Variants in OSBPL1A observed in about 807,000 individuals in gnomAD.
The protein encoded by OSBPL1A is oxysterol-binding protein-related protein 1.
A neutral mutation model predicts 137.1 loss-of-function variants in OSBPL1A; 80 were observed. The ratio of observed to expected loss-of-function variants is 0.58; its 90% confidence interval spans 0.49 to 0.70. The LOEUF is 0.70. OSBPL1A is among the 30% of genes least tolerant of loss of function. The probability of loss-of-function intolerance (pLI) is 0.00; values close to 1 mark genes in which losing one functional copy is unlikely to be tolerated. For synonymous variants in OSBPL1A, 365 were observed against 389.7 expected (o/e 0.94, Z 0.75); for missense variants, 970 against 1,129.4 (o/e 0.86, Z 2.02).
intron 4 of OSBPL1A, among the ~76,000 whole-genome samples, chr18:24,354,824 T>C (rs1319196382): frequency 2.0e-5 from 3 of 148,252 alleles, no homozygotes; most frequent in African/African-American, 7.4e-5. Flanking sequence ...TTTGTCCATC[T>C]AACTTTGCCC....
rs770561875 is a variant in OSBPL1A, at chr18:24,178,093, G to A, written c.2013C>T (p.Gly671=). ...AGAATTTCAGTTTGGGATAGATAGA[G>A]CCATGAAAGATGAAGTCATTGTTTA... ...EGLNNDFIFH[G]SIYPKLKFWG... is the part of the protein sequence containing the mutation. The change falls in exon 21 of 28, where the codon GGC becomes GGT. Residue 671 remains glycine, a synonymous_variant. Transcript: ENST00000319481. 7.4e-6 allele frequency: 12 copies of A among 1,613,516 alleles called. No homozygotes were observed. Among genetic ancestry groups the A allele is most frequent in the Non-Finnish European group, 9.3e-6 (11 of 1,179,774 alleles).
intron 13 of OSBPL1A, among the ~76,000 whole-genome samples, chr18:24,309,051 G>A (rs1266760858): frequency 4.6e-5 from 7 of 152,210 alleles, no homozygotes; most frequent in African/African-American, 9.6e-5. Flanking sequence ...GATTACAGGC[G>A]TAAGCCACCG....
chr18:24,246,750 C>T (rs2088902257), intron 15 of OSBPL1A, among the ~76,000 whole-genome samples: 1 of 149,140 alleles, frequency 6.7e-6, no homozygotes, highest in Admixed American at 6.7e-5. Flanking sequence ...AAGATGGCAC[C>T]ACTGCACTCC....
intron 15 of OSBPL1A, among the ~76,000 whole-genome samples, chr18:24,259,123 G>T (rs2089373758): frequency 1.3e-5 from 2 of 151,654 alleles, no homozygotes; most frequent in Admixed American, 1.3e-4. Context: ...GTTTCACCAT[G>T]GTCTCGATCT....
rs537715370 is a variant in OSBPL1A at position 24,282,951 on chromosome 18, A to C, written c.1175-2003T>G. 2.0e-5 allele frequency among the ~76,000 whole-genome samples: 3 copies of C among 152,202 alleles called. No homozygotes were observed. In the East Asian group the frequency reaches 5.8e-4, roughly 29 times the overall value. ...AAGCAAGACTTCATCTCTACAAAAA[A>C]TTTAAAAATTAGCTGGGCATGGTGG... On this transcript the variant is annotated intron_variant, in intron 14 of 27. Transcript: ENST00000319481.
At chr18:24,307,020 G>A (rs950549446) in intron 13 of OSBPL1A, among the ~76,000 whole-genome samples, 2 of 151,366 alleles carry the variant, frequency 1.3e-5, no homozygotes, top group Non-Finnish European at 2.9e-5. Flanking sequence ...ACTTTGGGAG[G>A]CTGAGGCAAA....
chr18:24,367,124 C>T (rs528232296), intron 3 of OSBPL1A, among the ~76,000 whole-genome samples, 158 bp from the exon 4 acceptor site: 3 of 151,986 alleles, frequency 2.0e-5, no homozygotes, highest in Admixed American at 6.6e-5. Context: ...AAAGCCAGCA[C>T]GGTGGTTTGA....
chr18:24,317,120 A>G, intron 11 of OSBPL1A, 29 bp downstream of exon 11: 1 of 1,610,802 alleles, frequency 6.2e-7, no homozygotes, highest in Non-Finnish European at 8.5e-7. Flanking sequence ...TCACAGTTAG[A>G]GGAGCAAATG....
intron 15 of OSBPL1A, among the ~76,000 whole-genome samples, chr18:24,239,860 T>C (rs2088629195): frequency 6.6e-6 from 1 of 151,846 alleles, no homozygotes; most frequent in Admixed American, 6.6e-5. Context: ...TAATAGTTGG[T>C]ATATCAAATG....
At position 24,271,467 on chromosome 18, in the gene OSBPL1A, G is replaced by T; in HGVS notation, c.1281+9375C>A. ...GTGCGCCCCTCCCCACGCGCCCGCG[G>T]CTGCACCCCACTCTGCACACACACG... On this transcript the variant is annotated intron_variant, in intron 15 of 27. Transcript: ENST00000319481. The surrounding 1 kb of genome is among the most constrained non-coding windows in gnomAD (Gnocchi z 4.0). 1.2e-6 allele frequency: 1 copy of T among 806,962 alleles called. No homozygotes were observed. The highest frequency in any genetic ancestry group is 1.5e-6 in the Non-Finnish European group (1 of 666,904). 50.0% of individuals were successfully genotyped at this position (806,962 alleles called of 1,614,324 possible). A position where few individuals can be genotyped will look rare whatever the true frequency, so the allele number is the denominator to read the frequency against.
chr18:24,194,151 T>C (rs1318487972), intron 18 of OSBPL1A, among the ~76,000 whole-genome samples: 1 of 152,184 alleles, frequency 6.6e-6, no homozygotes, highest in Non-Finnish European at 1.5e-5. Context: ...AAACTGTATA[T>C]TCTAAAGTGG....
At chr18:24,309,765 G>C (rs2090578410) in intron 13 of OSBPL1A, among the ~76,000 whole-genome samples, 1 of 151,984 alleles carries the variant, frequency 6.6e-6, no homozygotes, top group South Asian at 2.1e-4. Context: ...TCACAGCATT[G>C]GCCAGGCATG....
At chr18:24,185,895 T>C (rs76357585) in intron 18 of OSBPL1A, among the ~76,000 whole-genome samples, 3,674 of 151,968 alleles carry the variant, frequency 0.024, 162 homozygotes, top group African/African-American at 0.083. Context: ...GCAAAGTGAG[T>C]ATCTCTACAA....
chr18:24,221,850 G>A (rs538353490), intron 17 of OSBPL1A, among the ~76,000 whole-genome samples: 34 of 152,120 alleles, frequency 2.2e-4, no homozygotes, highest in African/African-American at 8.2e-4. Context: ...CTTTTTTAAA[G>A]CTACTGTAAA....
chr18:24,227,360 C>T (rs569762097), intron 16 of OSBPL1A, among the ~76,000 whole-genome samples: 1 of 152,030 alleles, frequency 6.6e-6, no homozygotes, highest in Admixed American at 6.6e-5. Context: ...ATTATGTTTA[C>T]AAGAACAACT....
In OSBPL1A at chr18:24,201,727, C is replaced by T. The variant is rs547043187; in HGVS notation, c.1602-5527G>A. On this transcript the variant is annotated intron_variant, in intron 17 of 27. Transcript: ENST00000319481. ...GCAGTGAGCTGAGGCTGTGCCACTG[C>T]ACTCCCACCTGGGCAACAGACCAAG... Among the ~76,000 whole-genome samples, 228 of 151,856 alleles carry T rather than the reference C, an allele frequency of 1.5e-3. 2 individuals carry two copies. The highest frequency in any genetic ancestry group is 1.7e-3 in the Non-Finnish European group (117 of 67,942).
At chr18:24,297,346 G>C (rs1273050373) in intron 14 of OSBPL1A, among the ~76,000 whole-genome samples, 1 of 152,056 alleles carries the variant, frequency 6.6e-6, no homozygotes, top group Non-Finnish European at 1.5e-5. Flanking sequence ...AATGTCTCCT[G>C]TTTAATTTCG....
intron 14 of OSBPL1A, among the ~76,000 whole-genome samples, chr18:24,292,804 C>A (rs1316759250): frequency 3.3e-5 from 5 of 152,010 alleles, no homozygotes; most frequent in Non-Finnish European, 5.9e-5. Context: ...GAAGAGCTGG[C>A]CTGCTCAAAG....
intron 7 of OSBPL1A, among the ~76,000 whole-genome samples, chr18:24,320,147 A>C (rs900415622): frequency 2.0e-5 from 3 of 151,992 alleles, no homozygotes; most frequent in African/African-American, 7.2e-5. Flanking sequence ...AATACCAAAC[A>C]TCTGGTATGT....
Sources: allele counts gnomAD v4.1 joint callset (sites outside exome capture counted in the v4.1 genomes callset), GRCh38; gene constraint gnomAD v4.1.1; non-coding constraint Gnocchi (gnomAD v3.1); transcripts MANE v1.5; gene names NCBI Gene and HGNC (gene_info 2026-07-23, HGNC 2026-07-21).